BBS1: variants seen among roughly 807,000 people sequenced by gnomAD.
BBS1 encodes the protein BBSome complex member BBS1.
In BBS1, 60 loss-of-function variants were observed where a neutral mutation model predicts 73.9. That is an observed-to-expected ratio of 0.81 (90% confidence interval 0.66 to 1.01). The LOEUF is 1.01. BBS1 is among the 50% of genes least tolerant of loss of function. BBS1 has a pLI of 0.00. For missense variants in BBS1, 718 were observed against 770.3 expected, an observed-to-expected ratio of 0.93 and a Z score of 0.80; for synonymous variants, 283 against 317.4, an observed-to-expected ratio of 0.89 and a Z score of 1.15.
In BBS1 at chr11:66,530,971, G is replaced by A. The variant is rs767601210; in HGVS notation, c.1551G>A (p.Leu517=). ...NTSTTRPVLG[L]LVCFLYNEAL... ...CAACAACCCGTCCTGTCCTGGGGCTGCTGGTCTGCTTCCTGTACAACGAGG... is the reference window on the plus strand; with the variant it reads ...CAACAACCCGTCCTGTCCTGGGGCTACTGGTCTGCTTCCTGTACAACGAGG... Residue 517 remains leucine (L), a synonymous_variant, in exon 15 of 17, where the codon CTG becomes CTA. Transcript: ENST00000318312. 3.7e-6 allele frequency: 6 copies of A among 1,614,244 alleles called. No individual in the cohort carries two copies. Among genetic ancestry groups the A allele is most frequent in the African/African-American group, 1.3e-5 (1 of 75,072 alleles).
intron 9 of BBS1, 70 bp downstream of exon 9, chr11:66,521,446 A>G: frequency 8.2e-7 from 1 of 1,217,186 alleles, no homozygotes; most frequent in South Asian, 1.2e-5. Context: ...GAGGCTTGCA[A>G]GATGAGAGTG....
chr11:66,510,927 T>A, intron 1 of BBS1, 86 bp from the exon 2 acceptor site: 1 of 1,484,506 alleles, frequency 6.7e-7, no homozygotes, highest in Non-Finnish European at 9.4e-7. Context: ...TACCTTATGT[T>A]CAGAGTGACC....
chr11:66,525,494 C>A (rs1856450707), intron 11 of BBS1, among the ~76,000 whole-genome samples: 1 of 151,496 alleles, frequency 6.6e-6, no homozygotes, highest in Non-Finnish European at 1.5e-5. Context: ...ACCCAGGAGG[C>A]AGAGGTTGCA....
Position 66,526,808 on chromosome 11 carries a change from G to T in BBS1, c.1339+1G>T. The T allele has an allele frequency of 6.2e-7, 1 of 1,614,226 alleles. No individual in the cohort carries two copies. The highest frequency in any genetic ancestry group is 8.5e-7 in the Non-Finnish European group (1 of 1,180,028). ...CTGCGAGAGCGGGAGGCTGGCACCGGTGAGCCTCAGACTGGGTCCTTTCCC... is the reference window on the plus strand; with the variant it reads ...CTGCGAGAGCGGGAGGCTGGCACCGTTGAGCCTCAGACTGGGTCCTTTCCC... On this transcript the variant is annotated splice_donor_variant, in intron 13 of 16. Transcript: ENST00000318312. LOFTEE classifies it high-confidence loss of function.
Position 66,514,505 on chromosome 11 carries a change from G to A in BBS1, c.259G>A (p.Ala87Thr). The A allele has an allele frequency of 6.2e-7, 1 of 1,614,172 alleles. No individual in the cohort carries two copies. The part of the protein sequence containing the change: ...MTESPLPALP[A>T]AAATFLMEQH... ...CGAAAGCCCGCTACCTGCTCTGCCA[G>A]CTGCTGCTGCCACCTTCCTCATGGA... The change falls in exon 4 of 17, where the codon GCT becomes ACT. Residue 87 changes from alanine (A) to threonine (T), a missense_variant. Physicochemically the swap from Ala to Thr is moderately conservative, Grantham distance 58 (BLOSUM62 0). Transcript: ENST00000318312.
At chr11:66,517,792 A>G (rs1405662185) in intron 7 of BBS1, among the ~76,000 whole-genome samples, 1 of 151,474 alleles carries the variant, frequency 6.6e-6, no homozygotes, top group East Asian at 1.9e-4. Flanking sequence ...TTTTTAAGAG[A>G]TGGGGTCTCA....
At chr11:66,526,449 C>T (rs1856497566) in intron 12 of BBS1, among the ~76,000 whole-genome samples, 200 bp from the exon 13 acceptor site, 1 of 152,238 alleles carries the variant, frequency 6.6e-6, no homozygotes, top group East Asian at 1.9e-4. Context: ...CAGTACTCCA[C>T]AAATAACTGC....
At position 66,530,328 on chromosome 11, in the gene BBS1, C is replaced by T. The variant is rs78170067; in HGVS notation, c.1473+376C>T. Among the ~76,000 whole-genome samples, 107 of 152,282 alleles carry T rather than the reference C, an allele frequency of 7.0e-4. No homozygotes were observed. The East Asian group carries it at 0.018, about 25-fold the overall frequency. On this transcript the variant is annotated intron_variant, in intron 14 of 16. Transcript: ENST00000318312. ...TGGGCAGCCCAACGTGTTAGGACTG[C>T]TGGGTACAGGGAAGGGGCCATCCCG...
intron 13 of BBS1, chr11:66,527,049 C>G (rs554740061): frequency 2.8e-4 from 426 of 1,526,028 alleles, no homozygotes; most frequent in Non-Finnish European, 3.6e-4. Context: ...GGGAAGGGAG[C>G]AGTCACTTCC....
At chr11:66,528,428 T>C (rs986653624) in intron 13 of BBS1, among the ~76,000 whole-genome samples, 4 of 151,904 alleles carry the variant, frequency 2.6e-5, no homozygotes, top group Admixed American at 6.6e-5. Flanking sequence ...CCTAAGAAGA[T>C]TGGGGAAAAT....
At chr11:66,526,612 G>T (rs767056863) in intron 12 of BBS1, 37 bp from the exon 13 acceptor site, 172 of 1,613,790 alleles carry the variant, frequency 1.1e-4, no homozygotes, top group Non-Finnish European at 1.4e-4. Flanking sequence ...GGTAGAACTG[G>T]GGAGGACAAA....
At chr11:66,531,611 C>T (rs754278028) in intron 15 of BBS1, 45 bp from the exon 16 acceptor site, 23 of 1,613,378 alleles carry the variant, frequency 1.4e-5, no homozygotes, top group Non-Finnish European at 1.9e-5. Flanking sequence ...ATGCCAAACA[C>T]TGGCACGAGG....
chr11:66,531,900 G>A, intron 16 of BBS1, 51 bp from the exon 17 acceptor site: 1 of 1,572,540 alleles, frequency 6.4e-7, no homozygotes, highest in Non-Finnish European at 8.6e-7. Flanking sequence ...CGCAGACCAG[G>A]CAAGGGGTCA....
At chr11:66,516,591 C>G (rs934316847) in intron 7 of BBS1, among the ~76,000 whole-genome samples, 1 of 152,144 alleles carries the variant, frequency 6.6e-6, no homozygotes, top group African/African-American at 2.4e-5. Flanking sequence ...TCCTCCGTCA[C>G]CCAGGCTGGA....
intron 3 of BBS1, among the ~76,000 whole-genome samples, chr11:66,512,030 A>ATGTATATATATGTATATATATG (rs1206046071): frequency 1.9e-4 from 27 of 144,888 alleles, no homozygotes; most frequent in African/African-American, 3.8e-4. Flanking sequence ...GTGTATATAT[A>ATGTATATATATGTATATATATG]TGTATATATA....
intron 11 of BBS1, chr11:66,524,300 G>A (rs1023968597): frequency 2.6e-4 from 86 of 333,352 alleles, no homozygotes; most frequent in Admixed American, 3.4e-4. Context: ...AAAATGTGTT[G>A]AGCACCTCAT....
chr11:66,525,827 G>A (rs959383034), intron 11 of BBS1, among the ~76,000 whole-genome samples: 1 of 152,132 alleles, frequency 6.6e-6, no homozygotes. Flanking sequence ...GTTTTTGAAA[G>A]GTAGCAAAGG....
chr11:66,512,034 ATATATATGTATATATATGTG>A (rs1379779793), intron 3 of BBS1, among the ~76,000 whole-genome samples: 3 of 146,862 alleles, frequency 2.0e-5, no homozygotes, highest in East Asian at 3.9e-4. Context: ...ATATATATGT[ATATATATGTATATATATGTG>A]TATATATATG....
chr11:66,529,137 G>A (rs996756923), intron 13 of BBS1: 5 of 981,110 alleles, frequency 5.1e-6, no homozygotes, highest in Middle Eastern at 5.2e-4. Context: ...ACGGAAGAGC[G>A]AAGCCAGCCT....
Sources: allele counts gnomAD v4.1 joint callset (sites outside exome capture counted in the v4.1 genomes callset), GRCh38; gene constraint gnomAD v4.1.1; transcripts MANE v1.5; gene names NCBI Gene and HGNC (gene_info 2026-07-23, HGNC 2026-07-21).